Variants in PTPRK observed in about 807,000 individuals in gnomAD.
PTPRK encodes the protein receptor-type tyrosine-protein phosphatase kappa.
A neutral mutation model predicts 178.0 loss-of-function variants in PTPRK; 75 were observed. That is an observed-to-expected ratio of 0.42 (90% CI 0.35 to 0.51). The LOEUF is 0.51. PTPRK is among the 20% of genes least tolerant of loss of function. The pLI is 0.02. For missense variants in PTPRK, 1,441 were observed against 1,797.8 expected (o/e 0.80, Z 3.59); for synonymous variants, 637 against 620.6 (o/e 1.03, Z -0.39).
intron 1 of PTPRK, among the ~76,000 whole-genome samples, chr6:128,496,269 G>GA (rs940607348): frequency 1.3e-5 from 2 of 152,130 alleles, no homozygotes; most frequent in Non-Finnish European, 2.9e-5. Context: ...GTGATTATCA[G>GA]AAAAAACATT....
chr6:127,987,528 C>T (rs1392199438), intron 21 of PTPRK, among the ~76,000 whole-genome samples: 1 of 152,008 alleles, frequency 6.6e-6, no homozygotes, highest in Non-Finnish European at 1.5e-5. Flanking sequence ...CTGTTTATCA[C>T]TAATATAAAG....
In PTPRK at chr6:128,208,273, C is replaced by T. The variant is rs149083884; in HGVS notation, c.868+10649G>A. 8.0e-4 allele frequency among the ~76,000 whole-genome samples: 118 copies of T among 146,862 alleles called. 1 individual carries two copies. The highest frequency in any genetic ancestry group is 2.8e-3 in the African/African-American group (111 of 39,306). On this transcript the variant is annotated intron_variant, in intron 6 of 29. Coordinates refer to ENST00000368226, the MANE Select transcript of PTPRK (RefSeq NM_002844.4). ...TGACATTCTTTGAGAATGAGAAATG[C>T]TGTTAGCCAAAAGTCCTACACCCTC...
intron 2 of PTPRK, among the ~76,000 whole-genome samples, chr6:128,366,478 T>C (rs776164664): frequency 6.6e-6 from 1 of 152,122 alleles, no homozygotes; most frequent in Non-Finnish European, 1.5e-5. Context: ...AACATCTCCA[T>C]TTACTAAGCA....
chr6:128,326,749 G>A (rs1175780384), intron 2 of PTPRK, among the ~76,000 whole-genome samples: 1 of 152,106 alleles, frequency 6.6e-6, no homozygotes, highest in African/African-American at 2.4e-5. Flanking sequence ...CTGGTGGGCT[G>A]TAATTGTCTT....
intron 2 of PTPRK, among the ~76,000 whole-genome samples, chr6:128,341,856 C>T (rs1211212238): frequency 6.6e-6 from 1 of 152,172 alleles, no homozygotes; most frequent in Non-Finnish European, 1.5e-5. Flanking sequence ...TATTTGCATT[C>T]CTACAGCTCA....
At chr6:128,203,151 A>AAAAAAC (rs148582999) in intron 6 of PTPRK, among the ~76,000 whole-genome samples, 1 of 152,168 alleles carries the variant, frequency 6.6e-6, no homozygotes, top group East Asian at 1.9e-4. Flanking sequence ...ACTAAAGACA[A>AAAAAAC]AAAAACAAAA....
chr6:128,034,539 A>T (rs1775887625), intron 13 of PTPRK, among the ~76,000 whole-genome samples: 1 of 152,192 alleles, frequency 6.6e-6, no homozygotes, highest in Admixed American at 6.5e-5. Context: ...GTTTTGGTTT[A>T]GGGACTGATA....
intron 13 of PTPRK, among the ~76,000 whole-genome samples, chr6:128,023,768 C>G (rs1265917541): frequency 6.6e-6 from 1 of 152,054 alleles, no homozygotes; most frequent in African/African-American, 2.4e-5. Flanking sequence ...ATCCTCCCAG[C>G]TTAGCCTCTG....
intron 1 of PTPRK, among the ~76,000 whole-genome samples, chr6:128,417,970 A>G (rs1036541294): frequency 2.6e-5 from 4 of 152,230 alleles, no homozygotes; most frequent in Non-Finnish European, 5.9e-5. Flanking sequence ...GAGAGATGAA[A>G]GAGAAAGTAA....
At chr6:128,184,322 G>A (rs1212693731) in intron 7 of PTPRK, 110 bp downstream of exon 7, 3 of 1,090,908 alleles carry the variant, frequency 2.7e-6, no homozygotes, top group Non-Finnish European at 3.9e-6. Flanking sequence ...ACTCTTAATA[G>A]TGTGACTATA....
At chr6:128,387,597 T>G (rs1037326268) in intron 2 of PTPRK, among the ~76,000 whole-genome samples, 2 of 152,210 alleles carry the variant, frequency 1.3e-5, no homozygotes, top group Non-Finnish European at 2.9e-5. Flanking sequence ...TTAATCTATC[T>G]TTAGCATACA....
chr6:128,433,481 C>G (rs1205750404), intron 1 of PTPRK, among the ~76,000 whole-genome samples: 1 of 151,298 alleles, frequency 6.6e-6, no homozygotes, highest in Non-Finnish European at 1.5e-5. Flanking sequence ...CAGGGCATTT[C>G]TAATAGTTTT....
intron 3 of PTPRK, among the ~76,000 whole-genome samples, chr6:128,296,369 G>C (rs1260845379): frequency 6.6e-6 from 1 of 152,118 alleles, no homozygotes; most frequent in African/African-American, 2.4e-5. Context: ...AGGAAACACA[G>C]AGAATGCCAC....
At chr6:128,054,414 TA>T (rs1779564720) in intron 13 of PTPRK, among the ~76,000 whole-genome samples, 1 of 152,252 alleles carries the variant, frequency 6.6e-6, no homozygotes, top group African/African-American at 2.4e-5. Context: ...ACATGTACTT[TA>T]CTAGAAATTT....
intron 7 of PTPRK, among the ~76,000 whole-genome samples, chr6:128,135,006 C>T (rs1406153268): frequency 2.0e-5 from 3 of 151,430 alleles, no homozygotes; most frequent in Non-Finnish European, 4.4e-5. Flanking sequence ...CAAGAATTTC[C>T]GGCACGCCCT....
chr6:128,008,132 T>C (rs757134135), intron 14 of PTPRK: 104 of 1,173,148 alleles, frequency 8.9e-5, no homozygotes, highest in Non-Finnish European at 1.2e-4. Flanking sequence ...AAATAAACTC[T>C]GATGGAATCA....
intron 3 of PTPRK, among the ~76,000 whole-genome samples, chr6:128,316,754 G>A (rs1196612011): frequency 7.3e-6 from 1 of 137,782 alleles, no homozygotes; most frequent in Non-Finnish European, 1.5e-5. Context: ...GTCTCACGCT[G>A]TCGCCCAGGC....
chr6:128,497,779 G>GTTT (rs34465746), intron 1 of PTPRK, among the ~76,000 whole-genome samples: 10 of 115,522 alleles, frequency 8.7e-5, no homozygotes, highest in African/African-American at 2.4e-4. Flanking sequence ...CAAAAAGGTT[G>GTTT]TTTTTTTTTT....
chr6:127,997,242 T>A (rs1434502677), intron 16 of PTPRK, among the ~76,000 whole-genome samples: 1 of 152,104 alleles, frequency 6.6e-6, no homozygotes, highest in East Asian at 1.9e-4. Flanking sequence ...GAAAGTATTT[T>A]AAAATTAAGA....
Sources: gnomAD v4.1 joint callset for allele counts (sites outside exome capture counted in the v4.1 genomes callset) on GRCh38, gnomAD v4.1.1 for gene constraint, MANE v1.5 for transcripts, NCBI Gene and HGNC (gene_info 2026-07-23, HGNC 2026-07-21) for gene names.